The following TRAPPC10 variants were observed in gnomAD, a reference collection of about 807,000 sequenced individuals.
The protein encoded by TRAPPC10 is trafficking protein particle complex subunit 10.
A neutral mutation model predicts 125.5 loss-of-function variants in TRAPPC10; 23 were observed. That is an observed-to-expected ratio of 0.18 (90% CI 0.13 to 0.26). The LOEUF (loss-of-function observed/expected upper bound fraction) is 0.26. TRAPPC10 is among the 10% of genes least tolerant of loss of function. The pLI is 1.00. For missense variants in TRAPPC10, 1,123 were observed against 1,308.4 expected (o/e 0.86, Z 2.19); for synonymous variants, 509 against 518.0 (o/e 0.98, Z 0.24).
At chr21:44,062,219 A>G (rs2036109684) in intron 6 of TRAPPC10, among the ~76,000 whole-genome samples, 1 of 152,240 alleles carries the variant, frequency 6.6e-6, no homozygotes. Flanking sequence ...CCACTGAATA[A>G]GATGGTTCGT....
chr21:44,089,103 T>A (rs535889069), intron 17 of TRAPPC10: 1 of 254,120 alleles, frequency 3.9e-6, no homozygotes, highest in East Asian at 1.2e-4. Flanking sequence ...GCACCTGTGC[T>A]ATGTGCCGTG....
chr21:44,048,500 G>GT (rs1569166067), intron 3 of TRAPPC10, among the ~76,000 whole-genome samples: 2 of 152,086 alleles, frequency 1.3e-5, no homozygotes, highest in Admixed American at 6.6e-5. Flanking sequence ...TTGTTTGTTT[G>GT]TTGTTGTTTT....
chr21:44,030,244 A>AGT (rs1345378756), intron 1 of TRAPPC10, among the ~76,000 whole-genome samples: 2 of 147,258 alleles, frequency 1.4e-5, no homozygotes, highest in South Asian at 2.3e-4. Flanking sequence ...AGAGAGCGAG[A>AGT]GAGTGTGTGT....
chr21:44,024,396 C>T (rs565555822), intron 1 of TRAPPC10, among the ~76,000 whole-genome samples: 125 of 152,320 alleles, frequency 8.2e-4, no homozygotes, highest in South Asian at 1.4e-3. Context: ...CCAGGTGGTG[C>T]TGATGCTGAA....
intron 8 of TRAPPC10, 43 bp downstream of exon 8, chr21:44,074,513 G>A (rs369287519): frequency 9.9e-6 from 16 of 1,611,526 alleles, no homozygotes; most frequent in Middle Eastern, 3.3e-4. Context: ...TTGTCTCTGC[G>A]GCCATGCCTG....
intron 7 of TRAPPC10, among the ~76,000 whole-genome samples, chr21:44,069,810 A>G (rs1437466983): frequency 2.0e-5 from 3 of 152,202 alleles, no homozygotes; most frequent in African/African-American, 7.2e-5. Context: ...GTGCTAGGGT[A>G]CAGTGATGAA....
In TRAPPC10 at chr21:44,063,448, C is replaced by G. The variant is rs1262361060; in HGVS notation, c.791-90C>G. ...CATAGAAAAACTGGTTATGAAGCTGCCTGTTTGCCCACCATCCTCAGCCTG... is the reference window on the plus strand; with the variant it reads ...CATAGAAAAACTGGTTATGAAGCTGGCTGTTTGCCCACCATCCTCAGCCTG... On this transcript the variant is annotated intron_variant, in intron 6 of 22. Coordinates refer to ENST00000291574, the MANE Select transcript of TRAPPC10 (RefSeq NM_003274.5). The surrounding 1 kb of genome is among the most constrained non-coding windows in gnomAD (Gnocchi z 4.4). 7.0e-5 allele frequency: 108 copies of G among 1,536,642 alleles called. No homozygotes were observed. The highest frequency in any genetic ancestry group is 5.3e-6 in the Non-Finnish European group (6 of 1,138,844).
At chr21:44,086,713 G>T (rs1390876283) in intron 15 of TRAPPC10, 89 bp from the exon 16 acceptor site, 2 of 1,396,132 alleles carry the variant, frequency 1.4e-6, no homozygotes, top group Non-Finnish European at 2.0e-6. Context: ...CATAGTAAAA[G>T]AAATAGAGCC....
At position 44,063,222 on chromosome 21, in the gene TRAPPC10, G is replaced by C; in HGVS notation, c.791-316G>C. 7.9e-7 allele frequency: 1 copy of C among 1,261,438 alleles called. No homozygotes were observed. Among genetic ancestry groups the C allele is most frequent in the Non-Finnish European group, 1.0e-6 (1 of 985,972 alleles). The allele number at this position is 1,261,438 out of a possible 1,614,324, so 78.1% of individuals were successfully genotyped here. On this transcript the variant is annotated intron_variant, in intron 6 of 22. Coordinates refer to ENST00000291574, the MANE Select transcript of TRAPPC10 (RefSeq NM_003274.5). The surrounding 1 kb of genome is among the most constrained non-coding windows in gnomAD (Gnocchi z 4.4). ...CAGCCTAAGACTAGAGCCCTCCCTC[G>C]GCCTGAGACAGAGCCTGAGCTCCCC... is the stretch of plus-strand genomic sequence containing the variant.
chr21:44,014,817 A>AG (rs1195671769), intron 1 of TRAPPC10, among the ~76,000 whole-genome samples: 2 of 152,142 alleles, frequency 1.3e-5, no homozygotes, highest in African/African-American at 4.8e-5. Context: ...TCAGAAGAGA[A>AG]GGGGGCTTCA....
intron 15 of TRAPPC10, among the ~76,000 whole-genome samples, chr21:44,084,956 C>T (rs866318691): frequency 6.6e-5 from 10 of 152,332 alleles, no homozygotes; most frequent in Admixed American, 1.3e-4. Context: ...CCTCCCTGGG[C>T]GCCACCCTCC....
intron 2 of TRAPPC10, among the ~76,000 whole-genome samples, chr21:44,037,395 A>C (rs1294062430): frequency 6.6e-6 from 1 of 152,182 alleles, no homozygotes; most frequent in African/African-American, 2.4e-5. Context: ...TACGAATGCA[A>C]CCCTAAAGCT....
chr21:44,062,496 A>G (rs2036131817), intron 6 of TRAPPC10: 1 of 978,976 alleles, frequency 1.0e-6, no homozygotes, highest in Non-Finnish European at 1.2e-6. Context: ...CGGCACTGGC[A>G]CAGAGGCCTG....
chr21:44,063,281 C>T lies in TRAPPC10; in HGVS notation c.791-257C>T. 2 of 1,227,040 alleles carry T rather than the reference C, an allele frequency of 1.6e-6. No homozygotes were observed. Among genetic ancestry groups the T allele is most frequent in the Non-Finnish European group, 2.1e-6 (2 of 943,846 alleles). 76.0% of individuals were successfully genotyped at this position (1,227,040 alleles called of 1,614,324 possible). A position where few individuals can be genotyped will look rare whatever the true frequency, so the allele number is the denominator to read the frequency against. The stretch of plus-strand genomic sequence containing the variant: ...TAGCCTGTCTGTCTCTGGGTGACTT[C>T]CCAACCTGTTCAGCTCCCGCCCATG... On this transcript the variant is annotated intron_variant, in intron 6 of 22. Coordinates refer to ENST00000291574, the MANE Select transcript of TRAPPC10 (RefSeq NM_003274.5). This position sits in a 1 kb window ranked among gnomAD's most constrained non-coding sequence, Gnocchi z 4.4.
chr21:44,084,329 A>T, intron 15 of TRAPPC10, 66 bp downstream of exon 15: 1 of 1,483,898 alleles, frequency 6.7e-7, no homozygotes, highest in Non-Finnish European at 9.1e-7. Flanking sequence ...ACCTGCTGAG[A>T]TGCCAGGCTT....
At chr21:44,067,326 G>A (rs1416094124) in intron 7 of TRAPPC10, among the ~76,000 whole-genome samples, 1 of 152,202 alleles carries the variant, frequency 6.6e-6, no homozygotes, top group Non-Finnish European at 1.5e-5. Flanking sequence ...AGAGGACAAA[G>A]GCAGAGATGT....
chr21:44,083,983 GC>G, intron 14 of TRAPPC10, 138 bp from the exon 15 acceptor site: 1 of 895,690 alleles, frequency 1.1e-6, no homozygotes, highest in Non-Finnish European at 1.7e-6. Flanking sequence ...AGAGGTTTAG[GC>G]ACAAGAGCAG....
intron 3 of TRAPPC10, among the ~76,000 whole-genome samples, chr21:44,042,873 C>T (rs1194474242): frequency 2.6e-5 from 4 of 152,142 alleles, no homozygotes; most frequent in Non-Finnish European, 5.9e-5. Flanking sequence ...GGCTTCTGGG[C>T]AGTGTATCTT....
At chr21:44,049,747 G>A (rs1232600020) in intron 3 of TRAPPC10, among the ~76,000 whole-genome samples, 3 of 152,204 alleles carry the variant, frequency 2.0e-5, no homozygotes, top group Non-Finnish European at 4.4e-5. Context: ...GGGCCCTGAT[G>A]CCCTGCCCCT....
Sources: allele counts gnomAD v4.1 joint callset (sites outside exome capture counted in the v4.1 genomes callset), GRCh38; gene constraint gnomAD v4.1.1; non-coding constraint Gnocchi (gnomAD v3.1); transcripts MANE v1.5; gene names NCBI Gene and HGNC (gene_info 2026-07-23, HGNC 2026-07-21).